Variants in LYRM4 observed in about 807,000 individuals in gnomAD.
The protein encoded by LYRM4 is LYR motif-containing protein 4.
Under a neutral mutation model 11.7 loss-of-function variants are expected in LYRM4, and 9 were observed. That is an observed-to-expected ratio of 0.77 (90% CI 0.46 to 1.34). The LOEUF (loss-of-function observed/expected upper bound fraction) is 1.34, where lower values mean the gene tolerates loss of function less well. Among genes scored for constraint, LYRM4 ranks in the 40% most tolerant of loss-of-function variants. The pLI is 0.00. For missense variants in LYRM4, 133 were observed against 112.5 expected, an observed-to-expected ratio of 1.18 and a Z score of -0.82; for synonymous variants, 42 against 40.4, an observed-to-expected ratio of 1.04 and a Z score of -0.15.
the LYRM4 span, chr6:5,066,885 C>T: frequency 4.6e-6 from 5 of 1,079,730 alleles, no homozygotes; most frequent in South Asian, 3.1e-5. Context: ...CAAGTGCTTT[C>T]GCATCGCCGC....
At chr6:5,152,576 G>A (rs1344625125) in intron 2 of LYRM4, among the ~76,000 whole-genome samples, 2 of 152,208 alleles carry the variant, frequency 1.3e-5, no homozygotes, top group Non-Finnish European at 2.9e-5. Flanking sequence ...AGCCCCAGCT[G>A]CGTGTCTGTC....
chr6:5,144,842 G>A (rs1757626400), intron 2 of LYRM4, among the ~76,000 whole-genome samples: 1 of 152,118 alleles, frequency 6.6e-6, no homozygotes, highest in Non-Finnish European at 1.5e-5. Context: ...CTTCCCGCAG[G>A]TGTTTCTGCG....
At chr6:5,200,379 G>T (rs529484106) in intron 2 of LYRM4, among the ~76,000 whole-genome samples, 5 of 152,274 alleles carry the variant, frequency 3.3e-5, no homozygotes, top group Admixed American at 2.0e-4. Context: ...TAAGGATATT[G>T]TCTTGTGATA....
intron 2 of LYRM4, among the ~76,000 whole-genome samples, chr6:5,143,968 C>G (rs147002248): frequency 1.7e-3 from 258 of 152,350 alleles, no homozygotes; most frequent in African/African-American, 5.9e-3. Context: ...CTTCCACCAG[C>G]AGCTGAGCTC....
chr6:5,230,920 C>G (rs1193510000), intron 1 of LYRM4, among the ~76,000 whole-genome samples: 2 of 152,124 alleles, frequency 1.3e-5, no homozygotes, highest in African/African-American at 2.4e-5. Flanking sequence ...CCTCCCCCTT[C>G]CTAAAATGTA....
At chr6:5,083,924 G>A in the LYRM4 span, among the ~76,000 whole-genome samples, 1 of 152,208 alleles carries the variant, frequency 6.6e-6, no homozygotes, top group Non-Finnish European at 1.5e-5. Context: ...CCCAGCATCA[G>A]CATCCCCTTG....
chr6:5,186,906 C>T, intron 2 of LYRM4: 2 of 444,098 alleles, frequency 4.5e-6, no homozygotes, highest in Non-Finnish European at 3.4e-6. Context: ...ATTGCTTGAA[C>T]CAGGGAGGCA....
At chr6:5,153,382 C>T (rs1758204392) in intron 2 of LYRM4, among the ~76,000 whole-genome samples, 1 of 152,240 alleles carries the variant, frequency 6.6e-6, no homozygotes. Flanking sequence ...TGAACCACCA[C>T]ACCTGGCGCC....
At chr6:5,115,173 A>G (rs1424091506) in intron 2 of LYRM4, among the ~76,000 whole-genome samples, 2 of 152,246 alleles carry the variant, frequency 1.3e-5, no homozygotes, top group Non-Finnish European at 2.9e-5. Flanking sequence ...ATTCTTATAT[A>G]TAACCTTTTA....
the LYRM4 span, among the ~76,000 whole-genome samples, chr6:5,041,215 A>G: frequency 1.3e-4 from 10 of 78,196 alleles, no homozygotes; most frequent in Non-Finnish European, 3.3e-4. Flanking sequence ...AGGAGTGACA[A>G]ACTTATAGTT....
At chr6:5,234,716 T>G (rs1231651297) in intron 1 of LYRM4, among the ~76,000 whole-genome samples, 1 of 151,968 alleles carries the variant, frequency 6.6e-6, no homozygotes, top group East Asian at 1.9e-4. Flanking sequence ...TACAAAGTTT[T>G]GGAAAAAGGA....
intron 2 of LYRM4, among the ~76,000 whole-genome samples, chr6:5,112,313 T>C (rs1581289925): frequency 6.6e-6 from 1 of 152,234 alleles, no homozygotes; most frequent in Non-Finnish European, 1.5e-5. Flanking sequence ...CTGCTTTCTG[T>C]GTCCCTGGGC....
chr6:5,088,922 C>T, the LYRM4 span: 7 of 152,208 alleles, frequency 4.6e-5, no homozygotes, highest in African/African-American at 1.7e-4. Flanking sequence ...TTTGAATTGG[C>T]TTCAAACTAC....
At chr6:5,076,751 T>C in the LYRM4 span, among the ~76,000 whole-genome samples, 7 of 152,126 alleles carry the variant, frequency 4.6e-5, no homozygotes, top group East Asian at 1.3e-3. Flanking sequence ...GATCTTAGAA[T>C]GTCTGTAGCA....
chr6:5,241,802 T>C (rs985204489), intron 1 of LYRM4, among the ~76,000 whole-genome samples: 1 of 152,194 alleles, frequency 6.6e-6, no homozygotes, highest in South Asian at 2.1e-4. Context: ...AAAAAGTTCC[T>C]GTCCACAAGG....
In LYRM4 at chr6:5,260,704, T is replaced by A; in HGVS notation, c.30A>T (p.Leu10Phe). The change falls in exon 1 of 3, where the codon TTA (leucine) becomes TTT (phenylalanine). Residue 10 changes from leucine (L) to phenylalanine (F), a missense_variant. Leu to Phe is a conservative substitution (Grantham distance 22). Coordinates refer to ENST00000330636, the MANE Select transcript of LYRM4 (RefSeq NM_020408.6). MAASSRAQV[L>F]SLYRAMLRES... ...CTCTCAGCATCGCCCGGTACAGAGA[T>A]AACACTTGTGCGCGACTGGAGGCTG... The A allele has an allele frequency of 6.5e-7, 1 of 1,548,932 alleles. No individual in the cohort carries two copies.
the LYRM4 span, among the ~76,000 whole-genome samples, chr6:5,075,763 T>C: frequency 6.6e-6 from 1 of 152,224 alleles, no homozygotes; most frequent in Non-Finnish European, 1.5e-5. Context: ...TGGCAAAATA[T>C]ACATAACATA....
intron 1 of LYRM4, among the ~76,000 whole-genome samples, chr6:5,224,746 G>A (rs2127734307): frequency 6.6e-6 from 1 of 152,190 alleles, no homozygotes; most frequent in African/African-American, 2.4e-5. Context: ...GATCACCTGA[G>A]GTCAGGAGTT....
At chr6:5,235,054 C>T (rs1763459079) in intron 1 of LYRM4, among the ~76,000 whole-genome samples, 1 of 152,296 alleles carries the variant, frequency 6.6e-6, no homozygotes, top group Non-Finnish European at 1.5e-5. Context: ...GGTTCCTCAT[C>T]TCTTTAAGAC....
Sources: allele counts gnomAD v4.1 joint callset (sites outside exome capture counted in the v4.1 genomes callset), GRCh38; gene constraint gnomAD v4.1.1; transcripts MANE v1.5; gene names NCBI Gene and HGNC (gene_info 2026-07-23, HGNC 2026-07-21).